Variants in TBC1D16 observed in about 807,000 individuals in gnomAD.
TBC1D16 encodes CTD-2529O21.1.
TBC1D16 carries 58 observed loss-of-function variants against 74.7 expected under a neutral mutation model. The observed-to-expected ratio is 0.78, with a 90% confidence interval of 0.63 to 0.97. The LOEUF (loss-of-function observed/expected upper bound fraction) is 0.97. TBC1D16 is among the 50% of genes least tolerant of loss of function. TBC1D16 has a pLI of 0.00. For synonymous variants in TBC1D16, 493 were observed against 474.7 expected (o/e 1.04, Z -0.50); for missense variants, 1,014 against 1,079.5 (o/e 0.94, Z 0.85).
At chr17:80,012,275 G>A (rs1169165217) in intron 2 of TBC1D16, among the ~76,000 whole-genome samples, 1 of 152,158 alleles carries the variant, frequency 6.6e-6, no homozygotes, top group East Asian at 1.9e-4. Context: ...GGTCCGAGGT[G>A]GCTACTCCCT....
rs935395009 is a variant in TBC1D16, at chr17:79,985,918, G to C, written c.779+24242C>G. Reference sequence around the variant, plus strand: ...CCCTCTGCTACTACCAAACTCTCCCGGCAAAGCTTAATTTAAATAAGAAAG... The same window carrying C: ...CCCTCTGCTACTACCAAACTCTCCCCGCAAAGCTTAATTTAAATAAGAAAG... On this transcript the variant is annotated intron_variant, in intron 3 of 11. Transcript: ENST00000310924. This position sits in a 1 kb window ranked among gnomAD's most constrained non-coding sequence, Gnocchi z 4.9. Among the ~76,000 whole-genome samples, 1 of 152,122 alleles carries C rather than the reference G, an allele frequency of 6.6e-6. No individual in the cohort carries two copies. The highest frequency in any genetic ancestry group is 1.5e-5 in the Non-Finnish European group (1 of 68,026).
chr17:80,026,941 C>G (rs11868360), intron 1 of TBC1D16, among the ~76,000 whole-genome samples: 1 of 144,500 alleles, frequency 6.9e-6, no homozygotes. Flanking sequence ...CATCAGTACA[C>G]GAACAGAGGC....
chr17:79,943,477 C>T (rs981566104), intron 10 of TBC1D16, among the ~76,000 whole-genome samples: 6 of 152,178 alleles, frequency 3.9e-5, no homozygotes, highest in African/African-American at 7.2e-5. Context: ...AAGCCTTTCT[C>T]GCTCAGGGGT....
chr17:80,016,054 A>C (rs1195879095), intron 1 of TBC1D16, among the ~76,000 whole-genome samples: 1 of 152,048 alleles, frequency 6.6e-6, no homozygotes, highest in Non-Finnish European at 1.5e-5. Context: ...GGAGTGGATA[A>C]ACCAAATGTA....
chr17:80,002,109 G>A (rs1326259514), intron 3 of TBC1D16, among the ~76,000 whole-genome samples: 1 of 152,120 alleles, frequency 6.6e-6, no homozygotes, highest in Admixed American at 6.6e-5. Flanking sequence ...GTGAGTCCAG[G>A]GCGACACCCC....
rs548897861 is a variant in TBC1D16, at chr17:79,940,511, C to T, written c.*348G>A. Reference sequence around the variant, plus strand: ...CTCTGCTTTCCTCATTGCCTGGCGACGCTGTCTGGCTGCCCTCGAGGGTGG... The same window carrying T: ...CTCTGCTTTCCTCATTGCCTGGCGATGCTGTCTGGCTGCCCTCGAGGGTGG... On this transcript the variant is annotated 3_prime_UTR_variant, in exon 12 of 12. Coordinates refer to ENST00000310924, the MANE Select transcript of TBC1D16 (RefSeq NM_019020.4). This position sits in a 1 kb window ranked among gnomAD's most constrained non-coding sequence, Gnocchi z 5.4. 287 of 199,272 alleles carry T rather than the reference C, an allele frequency of 1.4e-3. No individual in the cohort carries two copies. The highest frequency in any genetic ancestry group is 6.0e-3 in the African/African-American group (261 of 43,460). The allele number at this position is 199,272 out of a possible 1,614,324, so 12.3% of individuals were successfully genotyped here. A position where few individuals can be genotyped will look rare whatever the true frequency, so the allele number is the denominator to read the frequency against.
chr17:80,032,485 G>C (rs186491556), intron 1 of TBC1D16, among the ~76,000 whole-genome samples: 66 of 152,206 alleles, frequency 4.3e-4, no homozygotes, highest in Non-Finnish European at 4.4e-5. Flanking sequence ...TCCGAAGACA[G>C]AGTAAAGAAC....
At chr17:80,013,213 G>C (rs1007759879) in intron 2 of TBC1D16, among the ~76,000 whole-genome samples, 154 bp downstream of exon 2, 1 of 152,194 alleles carries the variant, frequency 6.6e-6, no homozygotes, top group Non-Finnish European at 1.5e-5. Flanking sequence ...ACACCCCCCA[G>C]ACCCTCCTTC....
Position 80,031,239 on chromosome 17 carries a change from G to A in TBC1D16, c.-63+4556C>T, listed in dbSNP as rs372114655. ...GAGGATAATCCCCTGCGGGGCCGCCGTGATTTCTCCTCGCAGCTGCGCTGA... is the reference window on the plus strand; with the variant it reads ...GAGGATAATCCCCTGCGGGGCCGCCATGATTTCTCCTCGCAGCTGCGCTGA... On this transcript the variant is annotated intron_variant, in intron 1 of 11. Transcript: ENST00000310924. Among the ~76,000 whole-genome samples the A allele has an allele frequency of 3.1e-4, 47 of 152,364 alleles. No individual in the cohort carries two copies. The South Asian group carries it at 8.5e-3, about 28-fold the overall frequency.
chr17:80,011,552 C>A (rs148017542), intron 2 of TBC1D16, among the ~76,000 whole-genome samples: 2 of 152,100 alleles, frequency 1.3e-5, no homozygotes, highest in African/African-American at 4.8e-5. Flanking sequence ...TACAGCCAGG[C>A]GTGATGGCTC....
intron 5 of TBC1D16, 94 bp downstream of exon 5, chr17:79,951,356 G>C: frequency 6.8e-7 from 1 of 1,474,064 alleles, no homozygotes; most frequent in Non-Finnish European, 9.1e-7. Flanking sequence ...CCGGGGCCCG[G>C]GGACCCCAGA....
rs1052880231 is a variant in TBC1D16 at position 79,980,792 on chromosome 17, C to T, written c.780-27974G>A. ...GACTGGTGCTTCCCAAAAATCTTCT[C>T]GGACTCAGTGGCACACCTGGGACTG... is the stretch of plus-strand genomic sequence containing the variant. On this transcript the variant is annotated intron_variant, in intron 3 of 11. Transcript: ENST00000310924. This position sits in a 1 kb window ranked among gnomAD's most constrained non-coding sequence, Gnocchi z 7.0. Among the ~76,000 whole-genome samples the T allele has an allele frequency of 9.8e-5, 15 of 152,318 alleles. No homozygotes were observed. The highest frequency in any genetic ancestry group is 2.4e-4 in the African/African-American group (10 of 41,574).
rs1183235205 is a variant in TBC1D16 at position 79,988,125 on chromosome 17, A to AG, written c.779+22034dup. ...AAGCGTGTGTGTGTTTAGAAGGGAG[A>AG]GGGGGATGATAGCACGTCCTGCCAG... On this transcript the variant is annotated intron_variant, in intron 3 of 11. Coordinates refer to ENST00000310924, the MANE Select transcript of TBC1D16 (RefSeq NM_019020.4). The surrounding 1 kb of genome is among the most constrained non-coding windows in gnomAD (Gnocchi z 5.7). 4.6e-5 allele frequency among the ~76,000 whole-genome samples: 7 copies of AG among 152,084 alleles called. No homozygotes were observed. The highest frequency in any genetic ancestry group is 1.7e-4 in the African/African-American group (7 of 41,394).
Position 80,011,239 on chromosome 17 carries a change from G to T in TBC1D16, c.182-482C>A, listed in dbSNP as rs189220603. Among the ~76,000 whole-genome samples, 280 of 149,124 alleles carry T rather than the reference G, an allele frequency of 1.9e-3. 2 individuals carry two copies. The highest frequency in any genetic ancestry group is 6.8e-3 in the African/African-American group (274 of 40,416). Reference sequence around the variant, plus strand: ...TTTTTTTTTTTTTGGTAGAAATAAGGTTTCACTATGTTGCCCAGGCTAGTC... The same window carrying T: ...TTTTTTTTTTTTTGGTAGAAATAAGTTTTCACTATGTTGCCCAGGCTAGTC... On this transcript the variant is annotated intron_variant, in intron 2 of 11. Coordinates refer to ENST00000310924, the MANE Select transcript of TBC1D16 (RefSeq NM_019020.4).
At chr17:79,963,491 C>T (rs1363946243) in intron 3 of TBC1D16, among the ~76,000 whole-genome samples, 1 of 152,136 alleles carries the variant, frequency 6.6e-6, no homozygotes, top group Non-Finnish European at 1.5e-5. Flanking sequence ...TCTTTTCATC[C>T]ACCAATTGAC....
chr17:79,991,173 C>T (rs1281945628), intron 3 of TBC1D16, among the ~76,000 whole-genome samples: 2 of 152,200 alleles, frequency 1.3e-5, no homozygotes, highest in Non-Finnish European at 1.5e-5. Flanking sequence ...ACAAAGCCAC[C>T]CTGGAGACCC....
rs117000719 is a variant in TBC1D16 at position 79,947,794 on chromosome 17, C to T, written c.1579G>A (p.Val527Ile). 19,498 of 1,613,720 alleles carry T rather than the reference C, an allele frequency of 0.012. 152 individuals are homozygous for T. Among genetic ancestry groups the T allele is most frequent in the Non-Finnish European group, 0.015 (17,701 of 1,180,004 alleles). ...LLNYAVYNPA[V>I]GYSQGMSDLV... ...TCCGACATCCCTTGGGAATAGCCGA[C>T]GGCAGGGTTGTACACGGCGTAGTTC... Residue 527 changes from valine (V) to isoleucine (I), a missense_variant, in exon 9 of 12, where the codon GTC becomes ATC. Transcript: ENST00000310924.
Position 79,979,142 on chromosome 17 carries a change from C to T in TBC1D16, c.780-26324G>A, listed in dbSNP as rs1394101276. ...CTCAGCCTGTCCATCAGCAGCACAC[C>T]TGGGAGATTCTGCCCAACCTAGGGA... is the stretch of plus-strand genomic sequence containing the variant. On this transcript the variant is annotated intron_variant, in intron 3 of 11. Coordinates refer to ENST00000310924, the MANE Select transcript of TBC1D16 (RefSeq NM_019020.4). The surrounding 1 kb of genome is among the most constrained non-coding windows in gnomAD (Gnocchi z 4.8). Among the ~76,000 whole-genome samples the T allele has an allele frequency of 9.2e-5, 14 of 152,242 alleles. No individual in the cohort carries two copies. The highest frequency in any genetic ancestry group is 9.2e-4 in the Admixed American group (14 of 15,290).
rs370869766 is a variant in TBC1D16, at chr17:79,952,957, G to C, written c.780-139C>G. On this transcript the variant is annotated intron_variant, in intron 3 of 11. Transcript: ENST00000310924. The stretch of plus-strand genomic sequence containing the variant: ...ATACAGGCACGGCTGAATATGCCCT[G>C]TAAACACCTGTGAATAAATGAATGT... 7.4e-5 allele frequency: 65 copies of C among 880,972 alleles called. No individual in the cohort carries two copies. The East Asian group carries it at 9.5e-4, about 13-fold the overall frequency. 54.6% of individuals were successfully genotyped at this position (880,972 alleles called of 1,614,324 possible). A position where few individuals can be genotyped will look rare whatever the true frequency, so the allele number is the denominator to read the frequency against.
Sources: allele counts gnomAD v4.1 joint callset (sites outside exome capture counted in the v4.1 genomes callset), GRCh38; gene constraint gnomAD v4.1.1; non-coding constraint Gnocchi (gnomAD v3.1); transcripts MANE v1.5; gene names NCBI Gene and HGNC (gene_info 2026-07-23, HGNC 2026-07-21).